The following SUSD4 variants were observed in gnomAD, a reference collection of about 807,000 sequenced individuals.
The protein encoded by SUSD4 is sushi domain containing 4.
In SUSD4, 41 loss-of-function variants were observed where a neutral mutation model predicts 50.5. The ratio of observed to expected loss-of-function variants is 0.81; its 90% CI spans 0.63 to 1.05. The LOEUF (loss-of-function observed/expected upper bound fraction) is 1.05, where lower values mean the gene tolerates loss of function less well. Ranked by LOEUF, SUSD4 falls within the 50% of genes least tolerant of loss-of-function variation. SUSD4 has a pLI of 0.00. For synonymous variants in SUSD4, 257 were observed against 257.3 expected (o/e 1.00, Z 0.01); for missense variants, 580 against 634.7 (o/e 0.91, Z 0.93).
At chr1:223,292,232 A>G (rs1435110196) in intron 3 of SUSD4, among the ~76,000 whole-genome samples, 1 of 152,190 alleles carries the variant, frequency 6.6e-6, no homozygotes, top group Admixed American at 6.5e-5. Context: ...TGAGACAGAG[A>G]AAAAAGACTA....
chr1:223,279,381 C>T (rs986980874), intron 3 of SUSD4, among the ~76,000 whole-genome samples: 4 of 152,156 alleles, frequency 2.6e-5, no homozygotes, highest in Non-Finnish European at 5.9e-5. Context: ...CCTTAAATGA[C>T]CTGATGTTGC....
intron 2 of SUSD4, among the ~76,000 whole-genome samples, chr1:223,327,811 C>T (rs1666963369): frequency 6.6e-6 from 1 of 152,216 alleles, no homozygotes; most frequent in South Asian, 2.1e-4. Context: ...GCAGTTGTCA[C>T]CCGCCTCAGA....
At chr1:223,350,911 T>C (rs1383090561) in intron 2 of SUSD4, among the ~76,000 whole-genome samples, 1 of 152,024 alleles carries the variant, frequency 6.6e-6, no homozygotes, top group African/African-American at 2.4e-5. Flanking sequence ...CACAGTCAGG[T>C]GAAAAAAAAG....
chr1:223,277,168 T>G (rs1237438580), intron 3 of SUSD4, among the ~76,000 whole-genome samples: 2 of 152,244 alleles, frequency 1.3e-5, no homozygotes, highest in African/African-American at 2.4e-5. Flanking sequence ...AAACTCATAT[T>G]GCACCTTTTC....
intron 3 of SUSD4, among the ~76,000 whole-genome samples, chr1:223,281,803 C>T (rs1317296266): frequency 6.6e-6 from 1 of 152,130 alleles, no homozygotes; most frequent in African/African-American, 2.4e-5. Flanking sequence ...AATTTTAGAC[C>T]AATATCCCTG....
At chr1:223,308,963 G>T (rs909139648) in intron 2 of SUSD4, among the ~76,000 whole-genome samples, 4 of 152,122 alleles carry the variant, frequency 2.6e-5, no homozygotes, top group Admixed American at 2.6e-4. Context: ...GAAACATAAA[G>T]GATTTACTTA....
intron 3 of SUSD4, among the ~76,000 whole-genome samples, chr1:223,291,467 T>G (rs1322100491): frequency 8.7e-6 from 1 of 114,834 alleles, no homozygotes; most frequent in African/African-American, 3.7e-5. Flanking sequence ...CTAGCCTGGA[T>G]GACAGAGGGA....
intron 2 of SUSD4, among the ~76,000 whole-genome samples, chr1:223,293,410 G>A (rs1005223107): frequency 2.6e-5 from 4 of 152,164 alleles, no homozygotes; most frequent in African/African-American, 4.8e-5. Flanking sequence ...CAGGCTGTGC[G>A]CCCTCCAAGA....
At position 223,221,470 on chromosome 1, in the gene SUSD4, A is replaced by T. The variant is rs1659133152; in HGVS notation, c.*722T>A. On this transcript the variant is annotated 3_prime_UTR_variant, in exon 9 of 9. Coordinates refer to ENST00000366878, the MANE Select transcript of SUSD4 (RefSeq NM_017982.4). Reference sequence around the variant, plus strand: ...CATGGATCCATGTGCCACACCATGAATACAAACACTGATGATATGTTACCA... The same window carrying T: ...CATGGATCCATGTGCCACACCATGATTACAAACACTGATGATATGTTACCA... The T allele has an allele frequency of 5.4e-6, 1 of 185,780 alleles. No individual in the cohort carries two copies. Among genetic ancestry groups the T allele is most frequent in the East Asian group, 1.3e-4 (1 of 7,702 alleles). 11.5% of individuals were successfully genotyped at this position (185,780 alleles called of 1,614,324 possible).
At chr1:223,247,828 C>T (rs546291608) in intron 5 of SUSD4, among the ~76,000 whole-genome samples, 5 of 152,200 alleles carry the variant, frequency 3.3e-5, no homozygotes, top group South Asian at 2.1e-4. Flanking sequence ...TGAGAAGCAC[C>T]GTCCCCACAG....
intron 2 of SUSD4, among the ~76,000 whole-genome samples, chr1:223,327,497 T>C (rs1666941651): frequency 6.6e-6 from 1 of 152,138 alleles, no homozygotes; most frequent in Non-Finnish European, 1.5e-5. Flanking sequence ...TAAAAATGTT[T>C]TAAAAACAAA....
At chr1:223,269,628 G>C (rs961813040) in intron 3 of SUSD4, among the ~76,000 whole-genome samples, 8 of 152,082 alleles carry the variant, frequency 5.3e-5, no homozygotes, top group African/African-American at 1.9e-4. Context: ...TAATGTTTCT[G>C]GTTTTATATG....
intron 2 of SUSD4, among the ~76,000 whole-genome samples, chr1:223,309,859 T>C (rs904030211): frequency 6.6e-6 from 1 of 152,212 alleles, no homozygotes; most frequent in African/African-American, 2.4e-5. Context: ...AAATCATGGA[T>C]AATTTGGTTT....
intron 5 of SUSD4, among the ~76,000 whole-genome samples, chr1:223,239,217 A>G: frequency 6.6e-6 from 1 of 151,888 alleles, no homozygotes; most frequent in East Asian, 1.9e-4. Flanking sequence ...TTTTATTTAT[A>G]TTAATTTGTC....
chr1:223,264,869 C>T lies in SUSD4; in HGVS notation c.536-51G>A, dbSNP rs371415296. ...AAGATTCCACTCTGTCATCTCTGTA[C>T]ATCGAAAAGTCACACAGAACACTGG... On this transcript the variant is annotated intron_variant, in intron 4 of 8. Coordinates refer to ENST00000366878, the MANE Select transcript of SUSD4 (RefSeq NM_017982.4). 7.6e-6 allele frequency: 12 copies of T among 1,572,916 alleles called. No individual in the cohort carries two copies. The East Asian group carries it at 2.5e-4, about 32-fold the overall frequency.
upstream of SUSD4, among the ~76,000 whole-genome samples, chr1:223,364,907 C>T (rs1210501535): frequency 1.3e-5 from 2 of 152,104 alleles, no homozygotes; most frequent in East Asian, 3.9e-4. The surrounding 1 kb of genome is among the most constrained non-coding windows in gnomAD (Gnocchi z 4.5). Context: ...CCATCTGAGG[C>T]GGCTGAGAGA....
intron 3 of SUSD4, among the ~76,000 whole-genome samples, chr1:223,286,611 G>A (rs1226921148): frequency 3.3e-5 from 5 of 152,236 alleles, no homozygotes; most frequent in Non-Finnish European, 7.3e-5. Flanking sequence ...CATCAGGAAA[G>A]ACAGAGGCAA....
At chr1:223,285,777 G>C (rs1237217636) in intron 3 of SUSD4, among the ~76,000 whole-genome samples, 1 of 152,226 alleles carries the variant, frequency 6.6e-6, no homozygotes, top group Non-Finnish European at 1.5e-5. Context: ...ACTTACACGT[G>C]AGAGCTAAGC....
chr1:223,317,312 C>A (rs1666258771), intron 2 of SUSD4, among the ~76,000 whole-genome samples: 1 of 152,134 alleles, frequency 6.6e-6, no homozygotes, highest in Admixed American at 6.5e-5. Context: ...TCCTATATGG[C>A]CTTAAAAGGG....
Sources: allele counts gnomAD v4.1 joint callset (sites outside exome capture counted in the v4.1 genomes callset), GRCh38; gene constraint gnomAD v4.1.1; non-coding constraint Gnocchi (gnomAD v3.1); transcripts MANE v1.5; gene names NCBI Gene and HGNC (gene_info 2026-07-23, HGNC 2026-07-21).